Variants in SPOCK3 observed in about 807,000 individuals in gnomAD.
SPOCK3 encodes SPARC (osteonectin), cwcv and kazal like domains proteoglycan 3.
Under a neutral mutation model 56.6 loss-of-function variants are expected in SPOCK3, and 30 were observed. That is an observed-to-expected ratio of 0.53 (90% CI 0.40 to 0.72). SPOCK3 has a LOEUF of 0.72. SPOCK3 is among the 30% of genes least tolerant of loss of function. The pLI is 0.00. For synonymous variants in SPOCK3, 196 were observed against 183.3 expected (o/e 1.07, Z -0.56); for missense variants, 527 against 530.0 (o/e 0.99, Z 0.06).
intron 2 of SPOCK3, among the ~76,000 whole-genome samples, chr4:167,194,345 C>T (rs928433736): frequency 1.3e-5 from 2 of 151,962 alleles, no homozygotes; most frequent in East Asian, 3.9e-4. Flanking sequence ...TGCCTACATG[C>T]ATTCTCTTGC....
At chr4:167,110,561 C>T (rs546471721) in intron 2 of SPOCK3, among the ~76,000 whole-genome samples, 1 of 151,764 alleles carries the variant, frequency 6.6e-6, no homozygotes, top group South Asian at 2.1e-4. Flanking sequence ...AACCAAAGAA[C>T]AAAAAGGTGA....
chr4:166,748,567 T>C (rs1560816043), intron 8 of SPOCK3, among the ~76,000 whole-genome samples: 1 of 136,652 alleles, frequency 7.3e-6, no homozygotes, highest in Non-Finnish European at 1.6e-5. Context: ...ATTCAGGACA[T>C]AGGCATGGGC....
intron 3 of SPOCK3, among the ~76,000 whole-genome samples, chr4:167,044,111 A>T (rs1336202721): frequency 6.6e-6 from 1 of 152,044 alleles, no homozygotes. Context: ...TTTTGACTCA[A>T]CATCTTTAAT....
chr4:167,052,254 C>T (rs1754297225), intron 3 of SPOCK3, among the ~76,000 whole-genome samples: 2 of 152,108 alleles, frequency 1.3e-5, no homozygotes, highest in South Asian at 4.1e-4. Flanking sequence ...CATTTAGAAG[C>T]CCTATGTAGT....
At chr4:167,114,462 G>C (rs943967463) in intron 2 of SPOCK3, among the ~76,000 whole-genome samples, 1 of 151,996 alleles carries the variant, frequency 6.6e-6, no homozygotes, top group Non-Finnish European at 1.5e-5. Context: ...TTAAATATAC[G>C]AGCTCCCTCA....
chr4:167,147,804 C>T lies in SPOCK3; in HGVS notation c.190-85267G>A, dbSNP rs551794062. Reference sequence around the variant, plus strand: ...GTGGGGAACATCACACACCAGGGCCCGTCCGGAGGGTGGGGACTGGGGAAG... The same window carrying T: ...GTGGGGAACATCACACACCAGGGCCTGTCCGGAGGGTGGGGACTGGGGAAG... On this transcript the variant is annotated intron_variant, in intron 2 of 10. Transcript: ENST00000357545. 8.6e-5 allele frequency among the ~76,000 whole-genome samples: 13 copies of T among 151,996 alleles called. No homozygotes were observed. The East Asian group carries it at 2.1e-3, about 25-fold the overall frequency.
At position 166,851,996 on chromosome 4, in the gene SPOCK3, A is replaced by T. The variant is rs1361783932; in HGVS notation, c.589+37134T>A. 2.0e-5 allele frequency among the ~76,000 whole-genome samples: 3 copies of T among 151,548 alleles called. No homozygotes were observed. In the East Asian group the frequency reaches 5.8e-4, roughly 29 times the overall value. On this transcript the variant is annotated intron_variant, in intron 6 of 10. Coordinates refer to ENST00000357545, the MANE Select transcript of SPOCK3 (RefSeq NM_001040159.2). Reference sequence around the variant, plus strand: ...AAAATGATGAGTTCATGTCCTTTGTAGGGACATGGATGAAATTGGAAATCA... The same window carrying T: ...AAAATGATGAGTTCATGTCCTTTGTTGGGACATGGATGAAATTGGAAATCA...
intron 2 of SPOCK3, among the ~76,000 whole-genome samples, chr4:167,123,944 A>G (rs1312773339): frequency 2.6e-5 from 4 of 151,464 alleles, no homozygotes; most frequent in Admixed American, 6.6e-5. Flanking sequence ...ACAGGGTTTC[A>G]CCATGTTGGC....
At chr4:166,911,957 G>A (rs1038515635) in intron 5 of SPOCK3, among the ~76,000 whole-genome samples, 3 of 152,102 alleles carry the variant, frequency 2.0e-5, no homozygotes, top group African/African-American at 7.2e-5. Context: ...TAGGGTTTCA[G>A]ATAAAAGACA....
chr4:167,221,330 T>C (rs976244325), intron 2 of SPOCK3, among the ~76,000 whole-genome samples: 2 of 152,104 alleles, frequency 1.3e-5, no homozygotes, highest in African/African-American at 2.4e-5. Flanking sequence ...ATGACACCAC[T>C]GCACTGAAGC....
At chr4:166,932,069 T>C (rs1406419270) in intron 4 of SPOCK3, among the ~76,000 whole-genome samples, 1 of 152,240 alleles carries the variant, frequency 6.6e-6, no homozygotes, top group Non-Finnish European at 1.5e-5. Flanking sequence ...ATTACCATTA[T>C]TGCTTTCAGA....
At chr4:166,829,271 A>T (rs1020097999) in intron 6 of SPOCK3, among the ~76,000 whole-genome samples, 51 of 152,228 alleles carry the variant, frequency 3.4e-4, no homozygotes, top group Non-Finnish European at 4.4e-4. Context: ...ACTATGTAAA[A>T]GTTAGCAGAT....
intron 8 of SPOCK3, among the ~76,000 whole-genome samples, chr4:166,743,045 C>G (rs1263764403): frequency 6.6e-6 from 1 of 152,030 alleles, no homozygotes. Context: ...TTTTGGTGTT[C>G]ACAAGTGGTC....
intron 2 of SPOCK3, among the ~76,000 whole-genome samples, chr4:167,156,915 A>G (rs185365444): frequency 6.6e-6 from 1 of 152,284 alleles, no homozygotes; most frequent in African/African-American, 2.4e-5. Context: ...TTTCTACCAA[A>G]GGGCTCATTG....
chr4:166,892,216 A>G (rs1734860177), intron 5 of SPOCK3, among the ~76,000 whole-genome samples: 5 of 152,000 alleles, frequency 3.3e-5, no homozygotes, highest in Admixed American at 3.3e-4. Flanking sequence ...TGGCATAATT[A>G]CAATTTAAAA....
chr4:166,745,282 C>T lies in SPOCK3; in HGVS notation c.932-3223G>A, dbSNP rs559032276. Among the ~76,000 whole-genome samples the T allele has an allele frequency of 5.3e-5, 8 of 152,158 alleles. No homozygotes were observed. In the East Asian group the frequency reaches 7.7e-4, roughly 15 times the overall value. ...AAAGGGAAGCCCATCAGACTAACAG[C>T]GGATCTCTCAGCAGAAACTCTATGA... is the stretch of plus-strand genomic sequence containing the variant. On this transcript the variant is annotated intron_variant, in intron 8 of 10. Coordinates refer to ENST00000357545, the MANE Select transcript of SPOCK3 (RefSeq NM_001040159.2).
At chr4:167,029,612 C>G (rs1036557258) in intron 3 of SPOCK3, among the ~76,000 whole-genome samples, 2 of 152,016 alleles carry the variant, frequency 1.3e-5, no homozygotes, top group Non-Finnish European at 2.9e-5. Context: ...CAATTTTCCT[C>G]CCATATCTAT....
chr4:167,092,664 T>G (rs1440587884), intron 2 of SPOCK3, among the ~76,000 whole-genome samples: 1 of 152,166 alleles, frequency 6.6e-6, no homozygotes, highest in African/African-American at 2.4e-5. Flanking sequence ...TTTGTAAACT[T>G]TCTATTCTGT....
intron 8 of SPOCK3, among the ~76,000 whole-genome samples, chr4:166,751,249 T>G (rs1006737211): frequency 1.3e-5 from 2 of 152,162 alleles, no homozygotes; most frequent in Non-Finnish European, 2.9e-5. Flanking sequence ...AAGAATGAAT[T>G]AATCCCCCAT....
Sources: gnomAD v4.1 joint callset for allele counts (sites outside exome capture counted in the v4.1 genomes callset) on GRCh38, gnomAD v4.1.1 for gene constraint, MANE v1.5 for transcripts, NCBI Gene and HGNC (gene_info 2026-07-23, HGNC 2026-07-21) for gene names.